The following LIN7A variants were observed in gnomAD, a reference collection of about 807,000 sequenced individuals.
The protein encoded by LIN7A is protein lin-7 homolog A.
A neutral mutation model predicts 29.8 loss-of-function variants in LIN7A; 25 were observed. The observed-to-expected ratio is 0.84, with a 90% CI of 0.61 to 1.17. The LOEUF (loss-of-function observed/expected upper bound fraction) is 1.17, where lower values mean the gene tolerates loss of function less well. LIN7A is among the 50% of genes most tolerant of loss of function. The probability of loss-of-function intolerance (pLI) is 0.00; values close to 1 mark genes in which losing one functional copy is unlikely to be tolerated. For missense variants in LIN7A, 239 were observed against 287.0 expected (o/e 0.83, Z 1.21); for synonymous variants, 118 against 107.5 (o/e 1.10, Z -0.60).
chr12:80,817,062 C>T (rs1871571696), intron 4 of LIN7A, among the ~76,000 whole-genome samples: 2 of 152,176 alleles, frequency 1.3e-5, no homozygotes, highest in South Asian at 4.1e-4. Context: ...GCCACCGTGC[C>T]CAGACTCAAC....
intron 1 of LIN7A, among the ~76,000 whole-genome samples, chr12:80,889,906 A>C (rs1382102069): frequency 6.6e-6 from 1 of 151,996 alleles, no homozygotes; most frequent in Non-Finnish European, 1.5e-5. Context: ...AAATTAATGC[A>C]CTTTTTCCAT....
At chr12:80,806,291 T>C (rs1870985135) in intron 5 of LIN7A, among the ~76,000 whole-genome samples, 2 of 152,174 alleles carry the variant, frequency 1.3e-5, no homozygotes, top group Non-Finnish European at 2.9e-5. Context: ...TTAACATTTC[T>C]AGCATATTAT....
At chr12:80,846,346 T>C (rs1265448146) in intron 3 of LIN7A, among the ~76,000 whole-genome samples, 1 of 152,208 alleles carries the variant, frequency 6.6e-6, no homozygotes, top group African/African-American at 2.4e-5. Context: ...TTGCACTCTT[T>C]TGTATGACAC....
chr12:80,801,090 A>G (rs887233285), intron 5 of LIN7A, among the ~76,000 whole-genome samples: 2 of 151,656 alleles, frequency 1.3e-5, no homozygotes, highest in Non-Finnish European at 2.9e-5. Context: ...AAACATACAT[A>G]TAAACATACA....
intron 2 of LIN7A, among the ~76,000 whole-genome samples, chr12:80,874,578 A>G (rs2120523773): frequency 6.6e-6 from 1 of 152,366 alleles, no homozygotes; most frequent in South Asian, 2.1e-4. Context: ...AAAAAGGCAT[A>G]TATTTTAAAA....
intron 2 of LIN7A, among the ~76,000 whole-genome samples, chr12:80,867,723 C>T (rs1874215612): frequency 6.6e-6 from 1 of 152,142 alleles, no homozygotes; most frequent in Admixed American, 6.5e-5. Flanking sequence ...AACCCCATTC[C>T]TAGAGCAGGA....
chr12:80,926,927 C>CAA (rs35483715), intron 1 of LIN7A, among the ~76,000 whole-genome samples: 554 of 55,358 alleles, frequency 0.01, 6 homozygotes, highest in Non-Finnish European at 0.014. Flanking sequence ...GACTCCATCT[C>CAA]AAAAAAAAAA....
chr12:80,864,666 G>A (rs1237119552), intron 2 of LIN7A, among the ~76,000 whole-genome samples: 1 of 152,054 alleles, frequency 6.6e-6, no homozygotes, highest in Non-Finnish European at 1.5e-5. Flanking sequence ...TTTAACTTTT[G>A]GAAGTGATAT....
At chr12:80,812,626 A>G (rs1370727461) in intron 4 of LIN7A, among the ~76,000 whole-genome samples, 1 of 151,952 alleles carries the variant, frequency 6.6e-6, no homozygotes, top group Non-Finnish European at 1.5e-5. Context: ...ATCTGGGCTC[A>G]CCACCACCTC....
chr12:80,823,583 T>G (rs1387597423), intron 4 of LIN7A, among the ~76,000 whole-genome samples: 1 of 152,190 alleles, frequency 6.6e-6, no homozygotes, highest in Non-Finnish European at 1.5e-5. Context: ...GACTTGCCCC[T>G]GGTAGGCACA....
chr12:80,844,131 C>T (rs1872950297), intron 4 of LIN7A, among the ~76,000 whole-genome samples: 1 of 151,970 alleles, frequency 6.6e-6, no homozygotes, highest in Admixed American at 6.6e-5. Context: ...GGGCATAAGC[C>T]TCTATGTGAC....
At chr12:80,888,948 C>G (rs561123641) in intron 2 of LIN7A, among the ~76,000 whole-genome samples, 1 of 152,092 alleles carries the variant, frequency 6.6e-6, no homozygotes, top group South Asian at 2.1e-4. Context: ...CTATTTCTAC[C>G]TGAATTTCTA....
At chr12:80,838,632 A>G (rs893646799) in intron 4 of LIN7A, among the ~76,000 whole-genome samples, 2 of 152,150 alleles carry the variant, frequency 1.3e-5, no homozygotes, top group African/African-American at 4.8e-5. Context: ...TTCAGCTTGC[A>G]CTCCTATTTA....
Position 80,792,886 on chromosome 12 carries a change from T to A in LIN7A, c.*4841A>T, listed in dbSNP as rs578172735. On this transcript the variant is annotated 3_prime_UTR_variant, in exon 6 of 6. Coordinates refer to ENST00000552864, the MANE Select transcript of LIN7A (RefSeq NM_004664.4). ...CTTTAACCATGTTCCTGGCTTCACA[T>A]ATTCTTCTTAAGAGTAAGCTATAAC... The A allele has an allele frequency of 2.0e-5, 3 of 152,338 alleles. No individual in the cohort carries two copies. The East Asian group carries it at 5.8e-4, about 29-fold the overall frequency. The allele number at this position is 152,338 out of a possible 1,614,324, so 9.4% of individuals were successfully genotyped here. A position where few individuals can be genotyped will look rare whatever the true frequency, so the allele number is the denominator to read the frequency against.
At chr12:80,930,820 C>T (rs1376910398) in intron 1 of LIN7A, among the ~76,000 whole-genome samples, 1 of 152,108 alleles carries the variant, frequency 6.6e-6, no homozygotes, top group East Asian at 1.9e-4. Context: ...GGTTAGAAGG[C>T]TTTTGTTTTG....
At chr12:80,813,486 T>C (rs1169457598) in intron 4 of LIN7A, among the ~76,000 whole-genome samples, 1 of 152,188 alleles carries the variant, frequency 6.6e-6, no homozygotes, top group Non-Finnish European at 1.5e-5. Flanking sequence ...TGAATAATTT[T>C]ATATTAAGAA....
intron 4 of LIN7A, among the ~76,000 whole-genome samples, chr12:80,830,790 G>A (rs1872310221): frequency 6.6e-6 from 1 of 151,984 alleles, no homozygotes; most frequent in Non-Finnish European, 1.5e-5. Flanking sequence ...TAAAGACTTG[G>A]TGTTGACACT....
intron 4 of LIN7A, among the ~76,000 whole-genome samples, chr12:80,813,962 A>G (rs911614191): frequency 6.6e-5 from 10 of 152,146 alleles, no homozygotes; most frequent in African/African-American, 2.4e-4. Context: ...GAAGAGGCAG[A>G]GAAGGCCACC....
rs1036041751 is a variant in LIN7A at position 80,906,819 on chromosome 12, A to G, written c.83-17450T>C. On this transcript the variant is annotated intron_variant, in intron 1 of 5. Coordinates refer to ENST00000552864, the MANE Select transcript of LIN7A (RefSeq NM_004664.4). ...CTGCATATGCATCCCTTGAACCTAA[A>G]ATGAAAATCGGAAAAAAACAAAGCA... Among the ~76,000 whole-genome samples the G allele has an allele frequency of 4.6e-5, 7 of 152,232 alleles. No individual in the cohort carries two copies. In the East Asian group the frequency reaches 1.4e-3, roughly 29 times the overall value.
Sources: allele counts gnomAD v4.1 joint callset (sites outside exome capture counted in the v4.1 genomes callset), GRCh38; gene constraint gnomAD v4.1.1; transcripts MANE v1.5; gene names NCBI Gene and HGNC (gene_info 2026-07-23, HGNC 2026-07-21).